The following PTPRN2 variants were observed in gnomAD, a reference collection of about 807,000 sequenced individuals.
PTPRN2 encodes receptor-type tyrosine-protein phosphatase N2.
PTPRN2 carries 74 observed loss-of-function variants against 118.8 expected under a neutral mutation model. The ratio of observed to expected loss-of-function variants is 0.62; its 90% CI spans 0.52 to 0.76. PTPRN2 has a LOEUF of 0.76. PTPRN2 is among the 30% of genes least tolerant of loss of function. The pLI is 0.00. For missense variants in PTPRN2, 1,481 were observed against 1,394.4 expected (o/e 1.06, Z -0.99); for synonymous variants, 641 against 608.0 (o/e 1.05, Z -0.80).
At chr7:157,549,811 G>T (rs1166075758) in intron 21 of PTPRN2, among the ~76,000 whole-genome samples, 1 of 152,200 alleles carries the variant, frequency 6.6e-6, no homozygotes, top group African/African-American at 2.4e-5. Flanking sequence ...GAGAAACACA[G>T]AGAAGTGTGG....
At chr7:158,461,650 G>A (rs1369161463) in intron 2 of PTPRN2, among the ~76,000 whole-genome samples, 2 of 152,292 alleles carry the variant, frequency 1.3e-5, no homozygotes, top group Middle Eastern at 3.4e-3. Context: ...CCTCGGGGCT[G>A]TCTCCTGCCA....
At chr7:158,304,380 A>G (rs991930689) in intron 3 of PTPRN2, among the ~76,000 whole-genome samples, 3 of 150,230 alleles carry the variant, frequency 2.0e-5, no homozygotes, top group African/African-American at 7.4e-5. Context: ...CTAGGGAGGC[A>G]TAAGACATCC....
At chr7:158,538,578 C>A (rs1339529615) in intron 1 of PTPRN2, among the ~76,000 whole-genome samples, 1 of 152,286 alleles carries the variant, frequency 6.6e-6, no homozygotes, top group Non-Finnish European at 1.5e-5. Context: ...CCCAGCCCAC[C>A]CATGGGACCT....
intron 12 of PTPRN2, among the ~76,000 whole-genome samples, chr7:157,892,681 A>G (rs1473756393): frequency 6.6e-6 from 1 of 152,190 alleles, no homozygotes; most frequent in Admixed American, 6.5e-5. Context: ...TTCAGGCTTA[A>G]TACTGAATAA....
chr7:157,974,344 C>T lies in PTPRN2; in HGVS notation c.1724-75607G>A, dbSNP rs118184964. On this transcript the variant is annotated intron_variant, in intron 11 of 22. Coordinates refer to ENST00000389418, the MANE Select transcript of PTPRN2 (RefSeq NM_002847.5). This position sits in a 1 kb window ranked among gnomAD's most constrained non-coding sequence, Gnocchi z 4.0. ...TTCCACGGGGCTCCTCCCCAGCTCACGGGGAAATCCCCTTTAATTTCAAAC... is the reference window on the plus strand; with the variant it reads ...TTCCACGGGGCTCCTCCCCAGCTCATGGGGAAATCCCCTTTAATTTCAAAC... Among the ~76,000 whole-genome samples, 1,048 of 152,316 alleles carry T rather than the reference C, an allele frequency of 6.9e-3. 16 individuals carry two copies. The highest frequency in any genetic ancestry group is 0.052 in the South Asian group (251 of 4,826).
intron 1 of PTPRN2, among the ~76,000 whole-genome samples, chr7:158,530,542 C>CGG (rs35779034): frequency 3.3e-5 from 5 of 151,476 alleles, no homozygotes; most frequent in Non-Finnish European, 5.9e-5. Flanking sequence ...TAGAGCAAGG[C>CGG]GGGGGGGGTT....
intron 12 of PTPRN2, among the ~76,000 whole-genome samples, chr7:157,733,243 T>G (rs868423786): frequency 2.3e-4 from 3 of 12,864 alleles, no homozygotes; most frequent in Non-Finnish European, 2.7e-4. Flanking sequence ...GTTACTCTTT[T>G]CCGTCCCACG....
chr7:158,219,973 A>C (rs1317914263), intron 3 of PTPRN2, among the ~76,000 whole-genome samples: 1 of 152,018 alleles, frequency 6.6e-6, no homozygotes, highest in African/African-American at 2.4e-5. Context: ...TAACAATCCT[A>C]CTAAAATTAC....
intron 2 of PTPRN2, among the ~76,000 whole-genome samples, chr7:158,420,870 T>C (rs1815190977): frequency 6.6e-6 from 1 of 152,208 alleles, no homozygotes; most frequent in South Asian, 2.1e-4. Context: ...TCCCTGTTGA[T>C]GAGACGTGGC....
rs1194101609 is a variant in PTPRN2 at position 157,578,118 on chromosome 7, A to G, written c.2519T>C (p.Val840Ala). 6.2e-7 allele frequency: 1 copy of G among 1,612,446 alleles called. No individual in the cohort carries two copies. Among genetic ancestry groups the G allele is most frequent in the Non-Finnish European group, 8.5e-7 (1 of 1,179,348 alleles). Residue 840 changes from valine to alanine, a missense_variant, in exon 18 of 23, where the codon GTG becomes GCG. By Grantham distance (64) the Val-to-Ala change is moderately conservative. Coordinates refer to ENST00000389418, the MANE Select transcript of PTPRN2 (RefSeq NM_002847.5). The stretch of plus-strand genomic sequence containing the variant: ...GAGGGGTGTCAGCATGACGATCACC[A>G]CGCAGCCGCTCTCCCACACCATCTG... Reference protein sequence around the residue: ...FWQMVWESGCVVIVMLTPLAE... With the variant: ...FWQMVWESGCAVIVMLTPLAE...
chr7:157,811,164 G>C (rs1000559185), intron 12 of PTPRN2, among the ~76,000 whole-genome samples: 19 of 151,246 alleles, frequency 1.3e-4, no homozygotes, highest in African/African-American at 4.4e-4. Context: ...CCAGCTACTC[G>C]GGAGGCTGAG....
intron 2 of PTPRN2, among the ~76,000 whole-genome samples, chr7:158,358,486 A>G (rs1388087069): frequency 1.3e-5 from 2 of 152,206 alleles, no homozygotes; most frequent in African/African-American, 4.8e-5. Context: ...CAATGACTCA[A>G]AGAAATACGT....
chr7:157,584,898 G>C (rs1170253717), intron 17 of PTPRN2, among the ~76,000 whole-genome samples: 1 of 152,228 alleles, frequency 6.6e-6, no homozygotes, highest in African/African-American at 2.4e-5. Context: ...AAGAAATGAA[G>C]CTTCAGGCTT....
chr7:157,847,083 T>C (rs1357876750), intron 12 of PTPRN2, among the ~76,000 whole-genome samples: 10 of 131,546 alleles, frequency 7.6e-5, no homozygotes, highest in African/African-American at 1.2e-4. Flanking sequence ...TGCCCGATGT[T>C]TACAGAGCCC....
In PTPRN2 at chr7:158,152,173, C is replaced by CAAA. The variant is rs56870265; in HGVS notation, c.911-13661_911-13659dup. On this transcript the variant is annotated intron_variant, in intron 6 of 22. Coordinates refer to ENST00000389418, the MANE Select transcript of PTPRN2 (RefSeq NM_002847.5). ...TGGGTGAAAGAGTGAGACTCTGTCT[C>CAAA]AAAAAAAAAAAAAAAAAACCATGAA... Among the ~76,000 whole-genome samples, 440 of 83,298 alleles carry CAAA rather than the reference C, an allele frequency of 5.3e-3. 20 individuals carry two copies. The highest frequency in any genetic ancestry group is 0.013 in the African/African-American group (274 of 21,778). The allele number at this position is 83,298 out of a possible 152,430, so 54.6% of individuals were successfully genotyped here.
chr7:157,897,814 G>A (rs1797217994), intron 12 of PTPRN2, among the ~76,000 whole-genome samples: 1 of 152,282 alleles, frequency 6.6e-6, no homozygotes, highest in Non-Finnish European at 1.5e-5. Flanking sequence ...GCTCTGCTGT[G>A]CAGCGAGCAC....
At chr7:158,480,870 G>A (rs1376856075) in intron 2 of PTPRN2, among the ~76,000 whole-genome samples, 3 of 152,250 alleles carry the variant, frequency 2.0e-5, no homozygotes, top group Non-Finnish European at 4.4e-5. Context: ...GTTGGTTCAT[G>A]AGGTTGAAGG....
rs1479510517 is a variant in PTPRN2 at position 157,619,018 on chromosome 7, G to C, written c.2344+2344C>G. 6.6e-6 allele frequency among the ~76,000 whole-genome samples: 1 copy of C among 152,022 alleles called. No homozygotes were observed. Among genetic ancestry groups the C allele is most frequent in the Non-Finnish European group, 1.5e-5 (1 of 68,006 alleles). ...CCTGATCCCCATGAGAACATCAGGC[G>C]CCCATCCACATGTGGCCACCCTGTT... On this transcript the variant is annotated intron_variant, in intron 15 of 22. Transcript: ENST00000389418. This position sits in a 1 kb window ranked among gnomAD's most constrained non-coding sequence, Gnocchi z 5.3.
At chr7:157,820,883 C>A (rs1439868084) in intron 12 of PTPRN2, among the ~76,000 whole-genome samples, 1 of 152,240 alleles carries the variant, frequency 6.6e-6, no homozygotes, top group African/African-American at 2.4e-5. Context: ...CAGGCTGGGG[C>A]TCACTTTTTG....
Sources: allele counts gnomAD v4.1 joint callset (sites outside exome capture counted in the v4.1 genomes callset), GRCh38; gene constraint gnomAD v4.1.1; non-coding constraint Gnocchi (gnomAD v3.1); transcripts MANE v1.5; gene names NCBI Gene and HGNC (gene_info 2026-07-23, HGNC 2026-07-21).